Variants in SNAP47 observed in about 807,000 individuals in gnomAD.
SNAP47 encodes the protein synaptosomal-associated protein 47.
SNAP47 carries 20 observed loss-of-function variants against 31.4 expected under a neutral mutation model. The observed-to-expected ratio is 0.64, with a 90% CI of 0.45 to 0.93. SNAP47 has a LOEUF of 0.93. Among genes scored for constraint, SNAP47 ranks in the 40% least tolerant of loss-of-function variants. The pLI is 0.00. For synonymous variants in SNAP47, 194 were observed against 213.4 expected (o/e 0.91, Z 0.79); for missense variants, 492 against 528.5 (o/e 0.93, Z 0.68).
In SNAP47 at chr1:227,751,135, G is replaced by A. The variant is rs1000783730; in HGVS notation, c.497+2902G>A. The stretch of plus-strand genomic sequence containing the variant: ...GACCCAGCCCCTGGGCCCCTTTAGT[G>A]CTCCCTGAACACTGTGGCTTTGATT... On this transcript the variant is annotated intron_variant, in intron 2 of 4. Transcript: ENST00000617596. 3.3e-5 allele frequency among the ~76,000 whole-genome samples: 5 copies of A among 152,190 alleles called. No individual in the cohort carries two copies. The South Asian group carries it at 8.3e-4, about 25-fold the overall frequency.
At chr1:227,767,763 T>C (rs1663534123) in intron 4 of SNAP47, among the ~76,000 whole-genome samples, 2 of 152,240 alleles carry the variant, frequency 1.3e-5, no homozygotes, top group Non-Finnish European at 2.9e-5. Flanking sequence ...GCATGTGTGC[T>C]CTGTATACTG....
At chr1:227,764,812 G>C (rs1279023690) in intron 3 of SNAP47, among the ~76,000 whole-genome samples, 3 of 152,148 alleles carry the variant, frequency 2.0e-5, no homozygotes, top group Admixed American at 2.0e-4. Flanking sequence ...GCTGAGGCAG[G>C]AGAATCCCTT....
chr1:227,733,007 G>A (rs756461452), upstream of SNAP47: 2 of 1,613,514 alleles, frequency 1.2e-6, no homozygotes, highest in East Asian at 4.5e-5. Flanking sequence ...CCCAGTTGTG[G>A]TTGATGGAGA....
At chr1:227,771,730 T>C (rs1663825131) in intron 4 of SNAP47, among the ~76,000 whole-genome samples, 1 of 117,272 alleles carries the variant, frequency 8.5e-6, no homozygotes, top group Non-Finnish European at 1.7e-5. Context: ...CAAACTCCCA[T>C]TGTGCTGGGC....
chr1:227,767,573 GTA>G (rs761789987), intron 4 of SNAP47, among the ~76,000 whole-genome samples: 20 of 152,204 alleles, frequency 1.3e-4, no homozygotes, highest in Non-Finnish European at 2.4e-4. Flanking sequence ...TGTTGTGTGT[GTA>G]TGCACATGTG....
chr1:227,735,286 G>C (rs772184965), upstream of SNAP47: 28 of 1,605,722 alleles, frequency 1.7e-5, no homozygotes, highest in African/African-American at 4.0e-5. Context: ...AGCTCAGCAC[G>C]GGTCGAAGGA....
chr1:227,758,684 C>T (rs1315077532), intron 2 of SNAP47, among the ~76,000 whole-genome samples: 2 of 152,174 alleles, frequency 1.3e-5, no homozygotes, highest in African/African-American at 2.4e-5. Flanking sequence ...CATTTTGAAT[C>T]AAGATGACCC....
At chr1:227,751,744 GTTTTTTTTTTTTTTTTTTTT>G (rs540732076) in intron 2 of SNAP47, among the ~76,000 whole-genome samples, 13 of 69,194 alleles carry the variant, frequency 1.9e-4, no homozygotes, top group African/African-American at 2.8e-4. Flanking sequence ...TAAAGACTTG[GTTTTTTTTTTTTTTTTTTTT>G]TTTTTTTTTT....
rs777876120 is a variant in SNAP47 at position 227,748,062 on chromosome 1, T to G, written c.326T>G (p.Val109Gly). ...RELLLSQPGA[V>G]ADASVPRTRG... ...CTGCTGCTGTCTCAGCCTGGAGCCG[T>G]GGCAGACGCATCTGTCCCAAGGACC... Residue 109 changes from valine to glycine, a missense_variant, in exon 2 of 5, where the codon GTG becomes GGG. Val to Gly is a moderately radical substitution (Grantham distance 109). Coordinates refer to ENST00000617596, the MANE Select transcript of SNAP47 (RefSeq NM_053052.4). 6 of 1,614,126 alleles carry G rather than the reference T, an allele frequency of 3.7e-6. No homozygotes were observed. In the Admixed American group the frequency reaches 1.0e-4, roughly 27 times the overall value.
Position 227,773,216 on chromosome 1 carries a change from C to A in SNAP47, c.1113+6133C>A, listed in dbSNP as rs554442786. Among the ~76,000 whole-genome samples the A allele has an allele frequency of 4.6e-5, 7 of 150,662 alleles. No individual in the cohort carries two copies. In the South Asian group the frequency reaches 1.5e-3, roughly 32 times the overall value. On this transcript the variant is annotated intron_variant, in intron 4 of 4. Transcript: ENST00000617596. ...GAACTCCTGGGCTCAAGCAGCCTTCCCTTCTCAGCCTCCCAAAGTGCTGAG... is the reference window on the plus strand; with the variant it reads ...GAACTCCTGGGCTCAAGCAGCCTTCACTTCTCAGCCTCCCAAAGTGCTGAG...
chr1:227,749,283 C>T (rs13313043), intron 2 of SNAP47, among the ~76,000 whole-genome samples: 2,792 of 152,040 alleles, frequency 0.018, 90 homozygotes, highest in African/African-American at 0.063. Flanking sequence ...CTCAGTTCCT[C>T]GTCCTGGGGT....
intron 1 of SNAP47, 94 bp from the exon 2 acceptor site, chr1:227,747,598 G>A (rs1662049173): frequency 1.5e-6 from 2 of 1,326,744 alleles, no homozygotes; most frequent in Non-Finnish European, 1.0e-6. Context: ...GCCTGTGTGA[G>A]CCCAGAGCCG....
intron 2 of SNAP47, among the ~76,000 whole-genome samples, chr1:227,751,750 T>G (rs1385648015): frequency 3.2e-5 from 1 of 31,586 alleles, no homozygotes; most frequent in Admixed American, 4.0e-4. Flanking sequence ...CTTGGTTTTT[T>G]TTTTTTTTTT....
In SNAP47 at chr1:227,741,020, G is replaced by A. The variant is rs1290237228; in HGVS notation, c.-46+5521G>A. Among the ~76,000 whole-genome samples the A allele has an allele frequency of 3.4e-5, 5 of 147,444 alleles. No individual in the cohort carries two copies. The highest frequency in any genetic ancestry group is 2.0e-4 in the Admixed American group (3 of 15,082). On this transcript the variant is annotated intron_variant, in intron 1 of 4. Transcript: ENST00000617596. This position sits in a 1 kb window ranked among gnomAD's most constrained non-coding sequence, Gnocchi z 4.2. Reference sequence around the variant, plus strand: ...AGGGACAGATGCCCAGCGGGTGATAGGGGAGGGCCTGTGAAGTTGGGTTGC... The same window carrying A: ...AGGGACAGATGCCCAGCGGGTGATAAGGGAGGGCCTGTGAAGTTGGGTTGC...
chr1:227,748,180 C>G lies in SNAP47; in HGVS notation c.444C>G (p.Asp148Glu). 1 of 1,610,888 alleles carries G rather than the reference C, an allele frequency of 6.2e-7. No homozygotes were observed. Among genetic ancestry groups the G allele is most frequent in the Non-Finnish European group, 8.5e-7 (1 of 1,178,658 alleles). ...TGCACCACCAGGGCCAGCAGCTGGA[C>G]AGCGTCATGAGAGGCCTGGACAAGA... ...RVLHHQGQQL[D>E]SVMRGLDKME... is the part of the protein sequence containing the mutation. The change falls in exon 2 of 5, where the codon GAC becomes GAG. Residue 148 changes from aspartate to glutamate, a missense_variant. Asp to Glu is a conservative substitution (Grantham distance 45). Transcript: ENST00000617596.
upstream of SNAP47, chr1:227,732,028 C>T (rs562692046): frequency 7.0e-5 from 22 of 314,834 alleles, no homozygotes; most frequent in South Asian, 6.1e-4. Flanking sequence ...TGGCCTGAGA[C>T]GAGGGGACAG....
At chr1:227,778,635 G>A (rs1380089535) in intron 4 of SNAP47, among the ~76,000 whole-genome samples, 1 of 152,202 alleles carries the variant, frequency 6.6e-6, no homozygotes, top group Non-Finnish European at 1.5e-5. Flanking sequence ...GACAGCAGGG[G>A]CAGGTGAGAA....
chr1:227,730,069 T>C (rs1470677881), upstream of SNAP47, among the ~76,000 whole-genome samples: 1 of 152,228 alleles, frequency 6.6e-6, no homozygotes, highest in Admixed American at 6.5e-5. Flanking sequence ...ATCTGCATTG[T>C]TTCTCTGACC....
chr1:227,753,690 G>A (rs1276311026), intron 2 of SNAP47, among the ~76,000 whole-genome samples: 1 of 152,078 alleles, frequency 6.6e-6, no homozygotes, highest in Non-Finnish European at 1.5e-5. Context: ...CCCACAAGCA[G>A]GATTGCAAAA....
Sources: allele counts gnomAD v4.1 joint callset (sites outside exome capture counted in the v4.1 genomes callset), GRCh38; gene constraint gnomAD v4.1.1; non-coding constraint Gnocchi (gnomAD v3.1); transcripts MANE v1.5; gene names NCBI Gene and HGNC (gene_info 2026-07-23, HGNC 2026-07-21).